The following THOC5 variants were observed in gnomAD, a reference collection of about 807,000 sequenced individuals.
THOC5 encodes the protein THO complex subunit 5, also known as Fms-interacting protein.
THOC5 carries 43 observed loss-of-function variants against 92.9 expected under a neutral mutation model. The ratio of observed to expected loss-of-function variants is 0.46; its 90% CI spans 0.36 to 0.60. The LOEUF (loss-of-function observed/expected upper bound fraction) is 0.60, where lower values mean the gene tolerates loss of function less well. Ranked by LOEUF, THOC5 falls within the 20% of genes least tolerant of loss-of-function variation. The pLI, the probability that THOC5 is intolerant of heterozygous loss-of-function variation, is 0.00. For missense variants in THOC5, 659 were observed against 849.4 expected (o/e 0.78, Z 2.79); for synonymous variants, 296 against 320.1 (o/e 0.92, Z 0.80).
At chr22:29,553,001 G>A (rs925476676) in intron 1 of THOC5, among the ~76,000 whole-genome samples, 2 of 152,038 alleles carry the variant, frequency 1.3e-5, no homozygotes, top group African/African-American at 4.8e-5. Flanking sequence ...GATTAAGGGC[G>A]GGGCAAGATG....
intron 15 of THOC5, 86 bp from the exon 16 acceptor site, chr22:29,517,452 G>A: frequency 8.4e-7 from 1 of 1,190,412 alleles, no homozygotes; most frequent in Non-Finnish European, 1.2e-6. Context: ...GCTCTCTGAA[G>A]GGCTCAGATG....
intron 17 of THOC5, among the ~76,000 whole-genome samples, chr22:29,513,505 T>C (rs1049591464): frequency 7.2e-5 from 11 of 151,844 alleles, no homozygotes; most frequent in African/African-American, 2.7e-4. Flanking sequence ...CCAGCCAACA[T>C]AGTGAAATCT....
chr22:29,531,814 C>T lies in THOC5; in HGVS notation c.847+17G>A, dbSNP rs1040029976. ...TGCTCCCATAGCCCCTTGTCCTCAC[C>T]CAGGCCCCATACTCACCACAGGCCT... On this transcript the variant is annotated intron_variant, in intron 8 of 19. Coordinates refer to ENST00000490103, the MANE Select transcript of THOC5 (RefSeq NM_003678.5). The T allele has an allele frequency of 6.2e-7, 1 of 1,611,838 alleles. No homozygotes were observed. Among genetic ancestry groups the T allele is most frequent in the African/African-American group, 1.3e-5 (1 of 74,978 alleles).
intron 19 of THOC5, among the ~76,000 whole-genome samples, chr22:29,510,354 T>C (rs1382342021): frequency 6.6e-6 from 1 of 152,182 alleles, no homozygotes; most frequent in East Asian, 1.9e-4. Context: ...CCCAGCACTT[T>C]GGGAGGCTGA....
At position 29,531,898 on chromosome 22, in the gene THOC5, T is replaced by C; in HGVS notation, c.780A>G (p.Thr260=). The C allele has an allele frequency of 1.2e-6, 2 of 1,614,224 alleles. No individual in the cohort carries two copies. The highest frequency in any genetic ancestry group is 1.7e-6 in the Non-Finnish European group (2 of 1,180,038). The change falls in exon 8 of 20, where the codon ACA becomes ACG. Residue 260 remains threonine, a synonymous_variant. Transcript: ENST00000490103. ...PFDQAHKQYE[T]ARHLPPPLYV... ...AGAGGGGAGGCGGCAGGTGTCTGGC[T>C]GTCTCATACTGCTTGTGAGCCTGGT...
chr22:29,544,561 C>T lies in THOC5; in HGVS notation c.139G>A (p.Asp47Asn). 6.2e-7 allele frequency: 1 copy of T among 1,613,696 alleles called. No homozygotes were observed. The highest frequency in any genetic ancestry group is 8.5e-7 in the Non-Finnish European group (1 of 1,179,796). Residue 47 changes from aspartate (D) to asparagine (N), a missense_variant, in exon 3 of 20, where the codon GAC (aspartate) becomes AAC (asparagine). Coordinates refer to ENST00000490103, the MANE Select transcript of THOC5 (RefSeq NM_003678.5). ...YSEEAEVDLR[D>N]PGRDYELYKY... ...TATAACTCATAGTCTCTGCCAGGGT[C>T]CCGCAGATCCACCTCGGCCTCCTCA...
intron 4 of THOC5, 74 bp downstream of exon 4, chr22:29,543,347 CAAAAAAAA>C (rs59948387): frequency 1.4e-3 from 661 of 466,088 alleles, no homozygotes; most frequent in African/African-American, 0.01. Context: ...GACTCTGTCT[CAAAAAAAA>C]AAAAAAAAAA....
At position 29,543,748 on chromosome 22, in the gene THOC5, T is replaced by C. The variant is rs548377317; in HGVS notation, c.241-206A>G. ...TCGGGCAAAAAAAAGTAATTTCTGCTTGGACTAGAGTAACAGGAATTGAAG... is the reference window on the plus strand; with the variant it reads ...TCGGGCAAAAAAAAGTAATTTCTGCCTGGACTAGAGTAACAGGAATTGAAG... On this transcript the variant is annotated intron_variant, in intron 3 of 19. Transcript: ENST00000490103. Among the ~76,000 whole-genome samples the C allele has an allele frequency of 2.0e-5, 3 of 152,206 alleles. No homozygotes were observed. In the East Asian group the frequency reaches 5.8e-4, roughly 29 times the overall value.
intron 5 of THOC5, among the ~76,000 whole-genome samples, chr22:29,540,265 C>T (rs1298152973): frequency 6.6e-6 from 1 of 152,096 alleles, no homozygotes; most frequent in East Asian, 1.9e-4. Flanking sequence ...GAGCGAGACT[C>T]CATCTCAAAA....
At chr22:29,529,110 C>G in intron 9 of THOC5, 52 bp downstream of exon 9, 1 of 1,581,238 alleles carries the variant, frequency 6.3e-7, no homozygotes. Context: ...CAGGACTGCC[C>G]TTGGATGGTG....
chr22:29,523,185 T>C (rs1288195793), intron 12 of THOC5, among the ~76,000 whole-genome samples: 1 of 151,940 alleles, frequency 6.6e-6, no homozygotes, highest in African/African-American at 2.4e-5. Context: ...GAGGTTGCAG[T>C]GAGTCAAGAT....
At chr22:29,523,188 G>A (rs1008692497) in intron 12 of THOC5, among the ~76,000 whole-genome samples, 4 of 151,966 alleles carry the variant, frequency 2.6e-5, no homozygotes, top group African/African-American at 4.8e-5. Flanking sequence ...GTTGCAGTGA[G>A]TCAAGATCTC....
At chr22:29,521,200 C>T in intron 12 of THOC5, 101 bp from the exon 13 acceptor site, 1 of 812,394 alleles carries the variant, frequency 1.2e-6, no homozygotes, top group East Asian at 2.5e-5. Flanking sequence ...TCACTGATGA[C>T]CAATGCCACC....
At chr22:29,512,959 T>C (rs964913958) in intron 17 of THOC5, among the ~76,000 whole-genome samples, 8 of 152,230 alleles carry the variant, frequency 5.3e-5, no homozygotes, top group Non-Finnish European at 1.2e-4. Context: ...TTTTTAGTTA[T>C]TTTTAGGGGG....
Position 29,549,166 on chromosome 22 carries a change from G to A in THOC5, c.-11-8C>T. 1.2e-6 allele frequency: 2 copies of A among 1,613,292 alleles called. No individual in the cohort carries two copies. Among genetic ancestry groups the A allele is most frequent in the African/African-American group, 1.3e-5 (1 of 75,024 alleles). On this transcript the variant is annotated splice_region_variant and splice_polypyrimidine_tract_variant and intron_variant, in intron 1 of 19. Transcript: ENST00000490103. ...ATGACATGGTTGTTCCTCCTGTTAA[G>A]AGGAGAAAGTTTTTGAGATTCTTCT...
intron 3 of THOC5, 66 bp downstream of exon 3, chr22:29,544,394 A>G: frequency 6.5e-7 from 1 of 1,531,564 alleles, no homozygotes; most frequent in Non-Finnish European, 8.9e-7. Flanking sequence ...GGGCCCTGGT[A>G]GGTGCAAAAA....
chr22:29,552,029 G>C lies in THOC5; in HGVS notation c.-12+1642C>G, dbSNP rs188952379. 1.6e-3 allele frequency among the ~76,000 whole-genome samples: 242 copies of C among 152,152 alleles called. 3 individuals are homozygous for C. Among genetic ancestry groups the C allele is most frequent in the Middle Eastern group, 6.8e-3 (2 of 294 alleles). On this transcript the variant is annotated intron_variant, in intron 1 of 19. Coordinates refer to ENST00000490103, the MANE Select transcript of THOC5 (RefSeq NM_003678.5). Reference sequence around the variant, plus strand: ...CTCCAGCTCCTGACCGCGAGTGATCGGCCAGCCTCGGCCTCCCGAGGTGCC... The same window carrying C: ...CTCCAGCTCCTGACCGCGAGTGATCCGCCAGCCTCGGCCTCCCGAGGTGCC...
intron 6 of THOC5, 67 bp downstream of exon 6, chr22:29,539,263 C>T: frequency 6.5e-7 from 1 of 1,537,512 alleles, no homozygotes; most frequent in Non-Finnish European, 8.9e-7. Flanking sequence ...GTTTTGCTGC[C>T]TTATCCTGGG....
At chr22:29,511,066 T>C in intron 19 of THOC5, 40 bp downstream of exon 19, 1 of 1,589,896 alleles carries the variant, frequency 6.3e-7, no homozygotes, top group East Asian at 2.2e-5. Context: ...CTGTCCCACA[T>C]CACCATGAGA....
Sources: allele counts gnomAD v4.1 joint callset (sites outside exome capture counted in the v4.1 genomes callset), GRCh38; gene constraint gnomAD v4.1.1; transcripts MANE v1.5; gene names NCBI Gene and HGNC (gene_info 2026-07-23, HGNC 2026-07-21).